Variants in HS6ST3 observed in about 807,000 individuals in gnomAD.
HS6ST3 encodes heparan-sulfate 6-O-sulfotransferase 3.
Under a neutral mutation model 36.7 loss-of-function variants are expected in HS6ST3, and 12 were observed. The ratio of observed to expected loss-of-function variants is 0.33; its 90% confidence interval spans 0.21 to 0.53. HS6ST3 has a LOEUF of 0.53. Ranked by LOEUF, HS6ST3 falls within the 20% of genes least tolerant of loss-of-function variation. The pLI is 0.95. For missense variants in HS6ST3, 584 were observed against 640.9 expected (o/e 0.91, Z 0.96); for synonymous variants, 240 against 257.5 (o/e 0.93, Z 0.65).
chr13:96,695,074 T>C (rs2138448064), intron 1 of HS6ST3, among the ~76,000 whole-genome samples: 1 of 152,318 alleles, frequency 6.6e-6, no homozygotes, highest in Middle Eastern at 3.4e-3. Flanking sequence ...GGAATACTTT[T>C]GTAGTTTTTT....
intron 1 of HS6ST3, among the ~76,000 whole-genome samples, chr13:96,371,102 A>G (rs2055287758): frequency 6.6e-6 from 1 of 152,196 alleles, no homozygotes; most frequent in Non-Finnish European, 1.5e-5. Context: ...ATTGCCATAT[A>G]AAATTCAATT....
At chr13:96,233,778 C>T (rs139131306) in intron 1 of HS6ST3, among the ~76,000 whole-genome samples, 74 of 151,806 alleles carry the variant, frequency 4.9e-4, no homozygotes, top group African/African-American at 1.6e-3. Flanking sequence ...TGACTTGGTA[C>T]CTGAAGTTTA....
chr13:96,752,071 T>C (rs1451900573), intron 1 of HS6ST3, among the ~76,000 whole-genome samples: 1 of 152,116 alleles, frequency 6.6e-6, no homozygotes, highest in East Asian at 1.9e-4. Context: ...TTAAAAATCA[T>C]TTCTTGTTTT....
intron 1 of HS6ST3, among the ~76,000 whole-genome samples, chr13:96,566,024 G>T (rs554099820): frequency 6.6e-6 from 1 of 152,024 alleles, no homozygotes; most frequent in Admixed American, 6.6e-5. Flanking sequence ...ATAAAGTATT[G>T]TATCTGTGAA....
intron 1 of HS6ST3, among the ~76,000 whole-genome samples, chr13:96,243,408 G>A (rs2054570423): frequency 6.6e-6 from 1 of 152,144 alleles, no homozygotes; most frequent in Admixed American, 6.5e-5. Flanking sequence ...GTAATGCCCA[G>A]CCTAGTAAGA....
At chr13:96,211,264 A>G (rs2054397634) in intron 1 of HS6ST3, among the ~76,000 whole-genome samples, 1 of 152,090 alleles carries the variant, frequency 6.6e-6, no homozygotes, top group African/African-American at 2.4e-5. Context: ...GCTATTATTT[A>G]TTTAGCTGGT....
rs530937088 is a variant in HS6ST3 at position 96,498,102 on chromosome 13, A to G, written c.708-334388A>G. Among the ~76,000 whole-genome samples the G allele has an allele frequency of 3.9e-5, 6 of 152,318 alleles. No homozygotes were observed. The East Asian group carries it at 1.2e-3, about 29-fold the overall frequency. The stretch of plus-strand genomic sequence containing the variant: ...TGGGGGGATTTCAGTGGGCTTGAAG[A>G]ACACACAGTGTCCTCGGACAAGGTC... On this transcript the variant is annotated intron_variant, in intron 1 of 1. Coordinates refer to ENST00000376705, the MANE Select transcript of HS6ST3 (RefSeq NM_153456.4).
intron 1 of HS6ST3, among the ~76,000 whole-genome samples, chr13:96,493,775 T>G (rs1291470191): frequency 6.6e-6 from 1 of 152,220 alleles, no homozygotes; most frequent in Non-Finnish European, 1.5e-5. Flanking sequence ...AAATAACACA[T>G]GCTGGAGATC....
chr13:96,810,405 G>T (rs987329309), intron 1 of HS6ST3, among the ~76,000 whole-genome samples: 4 of 152,096 alleles, frequency 2.6e-5, no homozygotes, highest in African/African-American at 9.7e-5. Flanking sequence ...CATCTGTTGG[G>T]CTGTGATTAT....
chr13:96,825,564 C>A (rs1878630430), intron 1 of HS6ST3, among the ~76,000 whole-genome samples: 1 of 152,178 alleles, frequency 6.6e-6, no homozygotes, highest in Admixed American at 6.5e-5. Flanking sequence ...CTTACCATGG[C>A]TGCTGAATGT....
intron 1 of HS6ST3, among the ~76,000 whole-genome samples, chr13:96,548,276 G>A (rs141761090): frequency 2.0e-5 from 3 of 152,032 alleles, no homozygotes; most frequent in Admixed American, 1.3e-4. Context: ...ACATCCAGAC[G>A]CACCTTGCTT....
At chr13:96,263,887 G>GT (rs2054678357) in intron 1 of HS6ST3, among the ~76,000 whole-genome samples, 2 of 152,154 alleles carry the variant, frequency 1.3e-5, no homozygotes, top group African/African-American at 2.4e-5. Flanking sequence ...GAGGAGACAG[G>GT]TTTTTTATGA....
At chr13:96,737,078 A>G (rs1876303204) in intron 1 of HS6ST3, among the ~76,000 whole-genome samples, 1 of 152,198 alleles carries the variant, frequency 6.6e-6, no homozygotes, top group African/African-American at 2.4e-5. Flanking sequence ...GAAAAATTAT[A>G]CAGCTAATCA....
At chr13:96,223,658 G>GC (rs890590501) in intron 1 of HS6ST3, among the ~76,000 whole-genome samples, 16 of 152,090 alleles carry the variant, frequency 1.1e-4, no homozygotes, top group African/African-American at 3.1e-4. Flanking sequence ...GGATATGGGG[G>GC]GGGGGAAGTT....
At chr13:96,552,312 A>G (rs2056222388) in intron 1 of HS6ST3, among the ~76,000 whole-genome samples, 1 of 152,026 alleles carries the variant, frequency 6.6e-6, no homozygotes, top group African/African-American at 2.4e-5. Flanking sequence ...GACAGGCCTC[A>G]TTGTCTTGCA....
chr13:96,738,744 A>G (rs1257251362), intron 1 of HS6ST3, among the ~76,000 whole-genome samples: 1 of 152,236 alleles, frequency 6.6e-6, no homozygotes, highest in Non-Finnish European at 1.5e-5. Flanking sequence ...AAACCCAGTT[A>G]CATTTTCCTC....
intron 1 of HS6ST3, among the ~76,000 whole-genome samples, chr13:96,788,568 T>C (rs554779127): frequency 2.6e-5 from 4 of 152,038 alleles, no homozygotes; most frequent in East Asian, 1.9e-4. Flanking sequence ...CATTGGTTGA[T>C]GGTGTTTTCA....
At chr13:96,510,787 A>G (rs1256710515) in intron 1 of HS6ST3, among the ~76,000 whole-genome samples, 1 of 152,142 alleles carries the variant, frequency 6.6e-6, no homozygotes, top group Non-Finnish European at 1.5e-5. Context: ...CCCCACAGAT[A>G]AGCATTCTAA....
chr13:96,546,401 T>A (rs2056197863), intron 1 of HS6ST3, among the ~76,000 whole-genome samples: 1 of 152,164 alleles, frequency 6.6e-6, no homozygotes, highest in South Asian at 2.1e-4. Flanking sequence ...TTCTCTCCTT[T>A]GGCAAGGGCA....
Sources: gnomAD v4.1 joint callset for allele counts (sites outside exome capture counted in the v4.1 genomes callset) on GRCh38, gnomAD v4.1.1 for gene constraint, MANE v1.5 for transcripts, NCBI Gene and HGNC (gene_info 2026-07-23, HGNC 2026-07-21) for gene names.